TEX9: variants seen among roughly 807,000 people sequenced by gnomAD.
The protein encoded by TEX9 is testis expressed 9, also known as testis-expressed protein 9.
TEX9 carries 74 observed loss-of-function variants against 59.6 expected under a neutral mutation model. That is an observed-to-expected ratio of 1.24 (90% confidence interval 1.03 to 1.51). The LOEUF (loss-of-function observed/expected upper bound fraction) is 1.51. TEX9 is among the 40% of genes most tolerant of loss of function. The probability of loss-of-function intolerance (pLI) is 0.00; values close to 1 mark genes in which losing one functional copy is unlikely to be tolerated. For synonymous variants in TEX9, 186 were observed against 152.2 expected, an observed-to-expected ratio of 1.22 and a Z score of -1.64; for missense variants, 522 against 447.8, an observed-to-expected ratio of 1.17 and a Z score of -1.49.
At chr15:56,415,859 C>G (rs1166014268) in intron 10 of TEX9, among the ~76,000 whole-genome samples, 3 of 151,584 alleles carry the variant, frequency 2.0e-5, no homozygotes, top group African/African-American at 7.3e-5. Context: ...GTGTTCCTAT[C>G]AGTGAGCATG....
At position 56,428,603 on chromosome 15, in the gene TEX9, A is replaced by G. The variant is rs377745672; in HGVS notation, c.*29+130A>G. 5 of 518,790 alleles carry G rather than the reference A, an allele frequency of 9.6e-6. No homozygotes were observed. In the South Asian group the frequency reaches 1.9e-4, roughly 20 times the overall value. The allele number at this position is 518,790 out of a possible 1,614,324, so 32.1% of individuals were successfully genotyped here. A position where few individuals can be genotyped will look rare whatever the true frequency, so the allele number is the denominator to read the frequency against. ...CCTTTTTAGATTTAGGAGATTAGCT[A>G]TTAGCTCTTTTTGAGTTGTTTTTTA... On this transcript the variant is annotated intron_variant, in intron 12 of 12. Transcript: ENST00000352903.
chr15:56,407,004 C>A (rs1443088310), intron 9 of TEX9, among the ~76,000 whole-genome samples: 1 of 151,904 alleles, frequency 6.6e-6, no homozygotes, highest in Admixed American at 6.6e-5. Context: ...GCTTTTTTCC[C>A]CATTCTATCT....
intron 9 of TEX9, among the ~76,000 whole-genome samples, chr15:56,404,754 T>C (rs924475697): frequency 6.6e-6 from 1 of 152,318 alleles, no homozygotes; most frequent in East Asian, 1.9e-4. Context: ...AATGATAGAC[T>C]GGATTAAGAA....
intron 3 of TEX9, among the ~76,000 whole-genome samples, chr15:56,377,306 T>C (rs1460815911): frequency 6.6e-6 from 1 of 152,190 alleles, no homozygotes; most frequent in African/African-American, 2.4e-5. Flanking sequence ...GATTGGTATT[T>C]TGCAAGGGGT....
intron 9 of TEX9, chr15:56,397,019 G>A (rs1414633605): frequency 6.6e-6 from 1 of 152,490 alleles, no homozygotes; most frequent in Non-Finnish European, 1.5e-5. Context: ...AACTGGGTAA[G>A]AGGCAGAGGT....
chr15:56,449,872 G>C (rs779560104), downstream of TEX9, among the ~76,000 whole-genome samples: 1 of 152,128 alleles, frequency 6.6e-6, no homozygotes, highest in Non-Finnish European at 1.5e-5. Context: ...GGTCCATTAA[G>C]TGTTTGTATG....
At chr15:56,257,188 T>C (rs1201964189) in intron 1 of TEX9, among the ~76,000 whole-genome samples, 4 of 152,194 alleles carry the variant, frequency 2.6e-5, no homozygotes, top group African/African-American at 7.2e-5. Context: ...CAGTCTATCA[T>C]TGATGGGCAT....
chr15:56,271,416 C>T (rs2044528247), intron 1 of TEX9, among the ~76,000 whole-genome samples: 1 of 152,184 alleles, frequency 6.6e-6, no homozygotes, highest in Admixed American at 6.5e-5. Flanking sequence ...CTTTCTTCCA[C>T]TTAATGGAAT....
At chr15:56,390,959 G>A (rs1279813008) in intron 6 of TEX9, among the ~76,000 whole-genome samples, 4 of 151,984 alleles carry the variant, frequency 2.6e-5, no homozygotes, top group Non-Finnish European at 4.4e-5. Context: ...GCCTTCTCTA[G>A]CTCTGTGGTC....
At chr15:56,321,700 A>G (rs1206112948) in intron 1 of TEX9, among the ~76,000 whole-genome samples, 1 of 152,174 alleles carries the variant, frequency 6.6e-6, no homozygotes, top group African/African-American at 2.4e-5. Flanking sequence ...TCACATTCCC[A>G]TTAAAGCTTA....
At chr15:56,454,803 T>G in the TEX9 span, among the ~76,000 whole-genome samples, 1 of 152,198 alleles carries the variant, frequency 6.6e-6, no homozygotes, top group Admixed American at 6.5e-5. Context: ...ATCTGTATTT[T>G]TCTATCCTTT....
At chr15:56,254,373 C>T (rs181112312) in intron 1 of TEX9, among the ~76,000 whole-genome samples, 48 of 151,996 alleles carry the variant, frequency 3.2e-4, no homozygotes, top group African/African-American at 1.1e-3. Flanking sequence ...TGAAACACTG[C>T]ATTTGGAGCA....
intron 1 of TEX9, among the ~76,000 whole-genome samples, chr15:56,333,954 C>T (rs55759746): frequency 0.07 from 10,567 of 151,620 alleles, 465 homozygotes; most frequent in Non-Finnish European, 0.1. Context: ...AGGAATTAAC[C>T]GAAGAAGACA....
chr15:56,328,960 A>G (rs762001710), intron 1 of TEX9, among the ~76,000 whole-genome samples: 24 of 152,232 alleles, frequency 1.6e-4, no homozygotes, highest in Non-Finnish European at 2.5e-4. Flanking sequence ...AGTGGCTACA[A>G]TGGCCCTTGG....
chr15:56,354,904 A>C (rs1321517745), intron 1 of TEX9, among the ~76,000 whole-genome samples: 1 of 152,206 alleles, frequency 6.6e-6, no homozygotes, highest in Non-Finnish European at 1.5e-5. Context: ...CAAGTAAGTC[A>C]AACTGAATTC....
intron 1 of TEX9, among the ~76,000 whole-genome samples, chr15:56,343,887 C>T (rs1279521198): frequency 2.6e-5 from 4 of 152,012 alleles, no homozygotes; most frequent in Non-Finnish European, 5.9e-5. Context: ...CCAAAGAAAA[C>T]GTAAAAATGG....
At chr15:56,334,956 A>C (rs1468633239) in intron 1 of TEX9, among the ~76,000 whole-genome samples, 3 of 152,200 alleles carry the variant, frequency 2.0e-5, no homozygotes, top group African/African-American at 7.2e-5. Flanking sequence ...ATGAGATATC[A>C]TCTGACACCA....
intron 10 of TEX9, among the ~76,000 whole-genome samples, chr15:56,424,572 T>A (rs2050150710): frequency 6.6e-6 from 1 of 152,156 alleles, no homozygotes; most frequent in Non-Finnish European, 1.5e-5. Context: ...CCTTCCTTAT[T>A]GCCTTATTGT....
At chr15:56,273,439 CTGT>C (rs1223715927) in intron 1 of TEX9, among the ~76,000 whole-genome samples, 1 of 152,202 alleles carries the variant, frequency 6.6e-6, no homozygotes, top group African/African-American at 2.4e-5. Context: ...TCCCTCCAAT[CTGT>C]TGTTCTATCA....
Sources: gnomAD v4.1 joint callset for allele counts (sites outside exome capture counted in the v4.1 genomes callset) on GRCh38, gnomAD v4.1.1 for gene constraint, MANE v1.5 for transcripts, NCBI Gene and HGNC (gene_info 2026-07-23, HGNC 2026-07-21) for gene names.